TSHR: variants seen among roughly 807,000 people sequenced by gnomAD.
The protein encoded by TSHR is thyroid stimulating hormone receptor.
In TSHR, 51 loss-of-function variants were observed where a neutral mutation model predicts 64.1. That is an observed-to-expected ratio of 0.80 (90% CI 0.64 to 1.01). The LOEUF is 1.01. Ranked by LOEUF, TSHR falls within the 50% of genes least tolerant of loss-of-function variation. TSHR has a pLI of 0.00. For synonymous variants in TSHR, 361 were observed against 361.9 expected, an observed-to-expected ratio of 1.00 and a Z score of 0.03; for missense variants, 877 against 942.8, an observed-to-expected ratio of 0.93 and a Z score of 0.91.
intron 1 of TSHR, among the ~76,000 whole-genome samples, chr14:80,988,732 C>G (rs182224076): frequency 1.4e-4 from 21 of 152,324 alleles, no homozygotes; most frequent in African/African-American, 4.6e-4. Flanking sequence ...ATTCACCCCT[C>G]TCATCTTCCT....
chr14:81,009,713 G>GA (rs1889806207), intron 1 of TSHR, among the ~76,000 whole-genome samples: 1 of 151,828 alleles, frequency 6.6e-6, no homozygotes, highest in East Asian at 1.9e-4. Flanking sequence ...ATGTAGTCTA[G>GA]TTTATATTTT....
chr14:81,130,499 G>A (rs1290259499), intron 8 of TSHR, among the ~76,000 whole-genome samples: 1 of 152,112 alleles, frequency 6.6e-6, no homozygotes, highest in Non-Finnish European at 1.5e-5. Flanking sequence ...TTCCTACTCT[G>A]TTTTTCTAGC....
Position 81,096,691 on chromosome 14 carries a change from A to G in TSHR, c.598A>G (p.Thr200Ala), listed in dbSNP as rs559898532. Residue 200 changes from threonine (T) to alanine (A), a missense_variant, in exon 7 of 10, where the codon ACA becomes GCA. Transcript: ENST00000298171. Reference protein sequence around the residue: ...TSVQGYAFNGTKLDAVYLNKN... With the variant: ...TSVQGYAFNGAKLDAVYLNKN... ...AGTCCAAGGATATGCTTTCAATGGG[A>G]CAAAGCTGGATGCTGTGTAAGTCAA... is the stretch of plus-strand genomic sequence containing the variant. 1.1e-5 allele frequency: 18 copies of G among 1,613,712 alleles called. No individual in the cohort carries two copies. In the African/African-American group the frequency reaches 2.3e-4, roughly 20 times the overall value.
chr14:81,042,780 A>G (rs1016308055), intron 1 of TSHR, among the ~76,000 whole-genome samples: 1 of 152,126 alleles, frequency 6.6e-6, no homozygotes, highest in African/African-American at 2.4e-5. Flanking sequence ...AATAGCTAGG[A>G]TAGAGTGTTT....
At chr14:81,085,661 G>C (rs1341026721) in intron 3 of TSHR, among the ~76,000 whole-genome samples, 1 of 152,128 alleles carries the variant, frequency 6.6e-6, no homozygotes, top group African/African-American at 2.4e-5. Context: ...CTTTCACTCT[G>C]ACGTTCTCTT....
chr14:81,032,051 A>C (rs973482274), intron 1 of TSHR, among the ~76,000 whole-genome samples: 2 of 152,242 alleles, frequency 1.3e-5, no homozygotes, highest in African/African-American at 2.4e-5. Context: ...GAAATTTATG[A>C]ATCTTAAGGA....
At position 80,955,831 on chromosome 14, in the gene TSHR, C is replaced by G. The variant is rs752234113; in HGVS notation, c.151C>G (p.Pro51Ala). ...CKDIQRIPSLPPSTQTLKLIE... is the reference protein window; with the variant it reads ...CKDIQRIPSLAPSTQTLKLIE... ...GGATATTCAACGCATCCCCAGCTTA[C>G]CGCCCAGTACGCAGACTCTGTGAGT... The change falls in exon 1 of 10, where the codon CCG becomes GCG. Residue 51 changes from proline (P) to alanine (A), a missense_variant. Transcript: ENST00000298171. 1 of 1,614,234 alleles carries G rather than the reference C, an allele frequency of 6.2e-7. No homozygotes were observed. Among genetic ancestry groups the G allele is most frequent in the South Asian group, 1.1e-5 (1 of 91,086 alleles).
chr14:80,959,163 C>T (rs1474541852), intron 1 of TSHR, among the ~76,000 whole-genome samples: 1 of 152,070 alleles, frequency 6.6e-6, no homozygotes. Flanking sequence ...TTCCTCACTC[C>T]TCCCCTCCAG....
intron 1 of TSHR, among the ~76,000 whole-genome samples, chr14:80,999,142 CCCAG>C (rs1889176975): frequency 6.6e-6 from 1 of 151,614 alleles, no homozygotes; most frequent in African/African-American, 2.4e-5. Flanking sequence ...TAACCTCACA[CCCAG>C]TGTAAGAATC....
chr14:81,122,020 CTTTTTTTTTTTTTTTTTTTTTTTTT>C (rs1161879777), intron 8 of TSHR, among the ~76,000 whole-genome samples: 2 of 44,904 alleles, frequency 4.5e-5, no homozygotes, highest in Admixed American at 3.8e-4. Context: ...TTTTCTTTTC[CTTTTTTTTTTTTTTTTTTTTTTTTT>C]TTTTTTTTTT....
At chr14:80,967,337 G>C (rs139808759) in intron 1 of TSHR, among the ~76,000 whole-genome samples, 3,619 of 140,886 alleles carry the variant, frequency 0.026, 62 homozygotes, top group Middle Eastern at 0.065. Context: ...CCAGGCTACA[G>C]TGCAGTGGTG....
chr14:81,130,047 A>G (rs541709290), intron 8 of TSHR, among the ~76,000 whole-genome samples: 1 of 152,328 alleles, frequency 6.6e-6, no homozygotes, highest in South Asian at 2.1e-4. Context: ...TCTGACTTAA[A>G]CAAGGTAAGA....
At chr14:81,016,816 T>C (rs565730988) in intron 1 of TSHR, among the ~76,000 whole-genome samples, 1 of 152,306 alleles carries the variant, frequency 6.6e-6, no homozygotes, top group South Asian at 2.1e-4. Flanking sequence ...TTGTGTCTAG[T>C]ATAGGGGTCT....
chr14:80,967,834 G>A (rs1269112076), intron 1 of TSHR, among the ~76,000 whole-genome samples: 1 of 152,170 alleles, frequency 6.6e-6, no homozygotes, highest in Non-Finnish European at 1.5e-5. Context: ...TTGTTGGGGA[G>A]TATGATCCCA....
chr14:81,114,659 G>C (rs1190970325), intron 8 of TSHR, among the ~76,000 whole-genome samples: 3 of 152,198 alleles, frequency 2.0e-5, no homozygotes, highest in Admixed American at 1.3e-4. Context: ...AGGGAAGCTC[G>C]AACTGGGTGG....
intron 1 of TSHR, among the ~76,000 whole-genome samples, chr14:81,015,534 T>C (rs1436958317): frequency 6.6e-6 from 1 of 152,184 alleles, no homozygotes; most frequent in African/African-American, 2.4e-5. Flanking sequence ...GTATTTATGG[T>C]GTACAACGTG....
intron 1 of TSHR, among the ~76,000 whole-genome samples, chr14:81,036,065 G>A (rs1257577171): frequency 6.6e-6 from 1 of 151,992 alleles, no homozygotes; most frequent in Non-Finnish European, 1.5e-5. Context: ...AGAATAAAAA[G>A]AACAACCAAG....
chr14:81,013,202 C>T (rs1447366630), intron 1 of TSHR: 1 of 152,172 alleles, frequency 6.6e-6, no homozygotes, highest in African/African-American at 2.4e-5. Context: ...ATAGGGAATC[C>T]TTTCCTCATT....
chr14:81,050,022 T>C (rs974115602), intron 1 of TSHR: 1 of 152,166 alleles, frequency 6.6e-6, no homozygotes, highest in Non-Finnish European at 1.5e-5. Flanking sequence ...CCCAGTAATA[T>C]TGAAGGAGCA....
Sources: gnomAD v4.1 joint callset for allele counts (sites outside exome capture counted in the v4.1 genomes callset) on GRCh38, gnomAD v4.1.1 for gene constraint, MANE v1.5 for transcripts, NCBI Gene and HGNC (gene_info 2026-07-23, HGNC 2026-07-21) for gene names.